NALF1: variants seen among roughly 807,000 people sequenced by gnomAD.
NALF1 encodes family with sequence similarity 155 member A.
NALF1 carries 3 observed loss-of-function variants against 48.4 expected under a neutral mutation model. The observed-to-expected ratio is 0.06, with a 90% CI of 0.03 to 0.16. The LOEUF (loss-of-function observed/expected upper bound fraction) is 0.16, where lower values mean the gene tolerates loss of function less well. NALF1 is among the 10% of genes least tolerant of loss of function. NALF1 has a pLI of 1.00. For missense variants in NALF1, 526 were observed against 571.5 expected, an observed-to-expected ratio of 0.92 and a Z score of 0.81; for synonymous variants, 262 against 245.7, an observed-to-expected ratio of 1.07 and a Z score of -0.62.
At chr13:107,771,329 T>C (rs1444181355) in intron 1 of NALF1, among the ~76,000 whole-genome samples, 1 of 151,992 alleles carries the variant, frequency 6.6e-6, no homozygotes, top group Non-Finnish European at 1.5e-5. Flanking sequence ...TATAAATAAA[T>C]TGCAGAAGGC....
At chr13:107,213,502 T>C (rs1177113160) in intron 1 of NALF1, among the ~76,000 whole-genome samples, 2 of 152,146 alleles carry the variant, frequency 1.3e-5, no homozygotes, top group Non-Finnish European at 2.9e-5. Flanking sequence ...ATTTTAGCTC[T>C]AGGGGTAAGA....
chr13:107,581,632 A>C (rs1026436569), intron 1 of NALF1, among the ~76,000 whole-genome samples: 18 of 152,318 alleles, frequency 1.2e-4, no homozygotes, highest in Middle Eastern at 3.4e-3. Context: ...AGTTTTAATA[A>C]AACAAAATGA....
chr13:107,537,702 A>G (rs972211733), intron 1 of NALF1, among the ~76,000 whole-genome samples: 2 of 152,094 alleles, frequency 1.3e-5, no homozygotes, highest in African/African-American at 4.8e-5. Flanking sequence ...AATGCACAGC[A>G]CACAGTAAGT....
Position 107,865,942 on chromosome 13 carries a change from A to G in NALF1, c.655T>C (p.Ser219Pro). Residue 219 changes from serine to proline, a missense_variant, in exon 1 of 3, where the codon TCG (serine) becomes CCG (proline). Physicochemically the swap from Ser to Pro is moderately conservative, Grantham distance 74. Transcript: ENST00000375915. Reference sequence around the variant, plus strand: ...TTACAAAACGAAAGGTAAAAATCCGACAAGTTCCAGAGCGGAGTGGGATGC... The same window carrying G: ...TTACAAAACGAAAGGTAAAAATCCGGCAAGTTCCAGAGCGGAGTGGGATGC... ...SKHPTPLWNLSDFYLSFCNSY... is the reference protein window; with the variant it reads ...SKHPTPLWNLPDFYLSFCNSY... The G allele has an allele frequency of 6.2e-7, 1 of 1,613,884 alleles. No individual in the cohort carries two copies. Among genetic ancestry groups the G allele is most frequent in the Non-Finnish European group, 8.5e-7 (1 of 1,180,022 alleles).
intron 1 of NALF1, among the ~76,000 whole-genome samples, chr13:107,550,502 A>C (rs1213313086): frequency 3.9e-5 from 6 of 152,112 alleles, no homozygotes; most frequent in Non-Finnish European, 8.8e-5. Flanking sequence ...CCCTTTCATA[A>C]TTATAGTCTA....
intron 1 of NALF1, among the ~76,000 whole-genome samples, chr13:107,456,081 C>G (rs1685031955): frequency 6.6e-6 from 1 of 152,212 alleles, no homozygotes; most frequent in African/African-American, 2.4e-5. Context: ...TTTCATTGCT[C>G]TCTTTTTGAC....
At chr13:107,349,118 A>T (rs2138942935) in intron 1 of NALF1, among the ~76,000 whole-genome samples, 1 of 152,346 alleles carries the variant, frequency 6.6e-6, no homozygotes, top group South Asian at 2.1e-4. Context: ...TAATTGTGAA[A>T]TAGGATTTCC....
At chr13:107,431,176 T>C (rs889529792) in intron 1 of NALF1, among the ~76,000 whole-genome samples, 34 of 152,310 alleles carry the variant, frequency 2.2e-4, no homozygotes, top group Non-Finnish European at 1.6e-4. Flanking sequence ...CCAGAGCACA[T>C]ACTCTAGTTA....
At chr13:107,495,916 T>G (rs1327136918) in intron 1 of NALF1, among the ~76,000 whole-genome samples, 2 of 152,190 alleles carry the variant, frequency 1.3e-5, no homozygotes, top group Non-Finnish European at 2.9e-5. Context: ...TGATGACCTT[T>G]GAAGAGGCAA....
rs537351404 is a variant in NALF1 at position 107,417,237 on chromosome 13, T to C, written c.916-206482A>G. ...ATTCTGAGCACCCTGTTTTATCTTA[T>C]ACTCAAACCATTTTTGTCCTGGGTC... is the stretch of plus-strand genomic sequence containing the variant. On this transcript the variant is annotated intron_variant, in intron 1 of 2. Coordinates refer to ENST00000375915, the MANE Select transcript of NALF1 (RefSeq NM_001080396.3). Among the ~76,000 whole-genome samples, 10 of 152,348 alleles carry C rather than the reference T, an allele frequency of 6.6e-5. No individual in the cohort carries two copies. In the South Asian group the frequency reaches 1.4e-3, roughly 22 times the overall value.
At chr13:107,795,387 A>G (rs1233808724) in intron 1 of NALF1, among the ~76,000 whole-genome samples, 2 of 150,900 alleles carry the variant, frequency 1.3e-5, no homozygotes, top group Non-Finnish European at 3.0e-5. Flanking sequence ...GTTAGGTGCT[A>G]TTTTTTTTTC....
chr13:107,448,518 G>T (rs1483813496), intron 1 of NALF1, among the ~76,000 whole-genome samples: 1 of 152,134 alleles, frequency 6.6e-6, no homozygotes, highest in East Asian at 1.9e-4. Flanking sequence ...ATATTTACAT[G>T]GAAGTTTTGG....
intron 1 of NALF1, among the ~76,000 whole-genome samples, chr13:107,527,032 T>A (rs569088309): frequency 6.6e-6 from 1 of 152,280 alleles, no homozygotes; most frequent in African/African-American, 2.4e-5. Flanking sequence ...CAAGCATGAT[T>A]CATATAAGCC....
intron 1 of NALF1, among the ~76,000 whole-genome samples, chr13:107,740,727 T>C (rs192669873): frequency 6.6e-6 from 1 of 152,230 alleles, no homozygotes; most frequent in Non-Finnish European, 1.5e-5. Context: ...TGGGCATCAT[T>C]TTCCATGCTT....
chr13:107,551,298 C>G (rs1014767720), intron 1 of NALF1, among the ~76,000 whole-genome samples: 11 of 152,010 alleles, frequency 7.2e-5, no homozygotes, highest in Non-Finnish European at 1.5e-4. Context: ...ATGCAAATTC[C>G]CATTTATTTG....
rs558030854 is a variant in NALF1 at position 107,515,028 on chromosome 13, T to G, written c.916-304273A>C. On this transcript the variant is annotated intron_variant, in intron 1 of 2. Transcript: ENST00000375915. ...TAAGCTGGTTATGTGACCTGCTAGC[T>G]GTATGGCCATATGCAGGTTATTTAA... Among the ~76,000 whole-genome samples the G allele has an allele frequency of 4.6e-5, 7 of 152,346 alleles. No homozygotes were observed. The East Asian group carries it at 1.2e-3, about 25-fold the overall frequency.
chr13:107,430,796 G>T (rs1206426788), intron 1 of NALF1, among the ~76,000 whole-genome samples: 1 of 152,056 alleles, frequency 6.6e-6, no homozygotes, highest in Admixed American at 6.5e-5. Context: ...ATGATTTATA[G>T]TCCTTTGGGT....
intron 1 of NALF1, among the ~76,000 whole-genome samples, chr13:107,833,838 T>C (rs887664876): frequency 2.4e-4 from 37 of 152,264 alleles, no homozygotes; most frequent in African/African-American, 8.9e-4. Context: ...TTCCAGTATT[T>C]TGCATATTAT....
At chr13:107,301,449 G>A (rs1275063284) in intron 1 of NALF1, among the ~76,000 whole-genome samples, 2 of 152,014 alleles carry the variant, frequency 1.3e-5, no homozygotes, top group African/African-American at 4.8e-5. Context: ...CCAAAACATG[G>A]ACAACAAAAA....
Sources: gnomAD v4.1 joint callset for allele counts (sites outside exome capture counted in the v4.1 genomes callset) on GRCh38, gnomAD v4.1.1 for gene constraint, MANE v1.5 for transcripts, NCBI Gene and HGNC (gene_info 2026-07-23, HGNC 2026-07-21) for gene names.